GLRA2: variants seen among roughly 807,000 people sequenced by gnomAD.
The protein encoded by GLRA2 is glycine receptor subunit alpha-2.
In GLRA2, 11 loss-of-function variants were observed where a neutral mutation model predicts 31.6. The observed-to-expected ratio is 0.35, with a 90% CI of 0.22 to 0.58. The LOEUF (loss-of-function observed/expected upper bound fraction) is 0.58. Among genes scored for constraint, GLRA2 ranks in the 20% least tolerant of loss-of-function variants. The probability of loss-of-function intolerance (pLI) is 0.84; values close to 1 mark genes in which losing one functional copy is unlikely to be tolerated. For synonymous variants in GLRA2, 132 were observed against 134.0 expected, an observed-to-expected ratio of 0.99 and a Z score of 0.10; for missense variants, 212 against 351.8, an observed-to-expected ratio of 0.60 and a Z score of 3.18.
At chrX:14,579,910 AAAAG>A (rs2089997554) in intron 3 of GLRA2, among the ~76,000 whole-genome samples, 1 of 112,302 alleles carries the variant, frequency 8.9e-6, no homozygotes, top group Non-Finnish European at 1.9e-5. Context: ...AAATAGGTAA[AAAAG>A]AAAAACAAAA....
chrX:14,479,469 G>A, the GLRA2 span, among the ~76,000 whole-genome samples: 1 of 111,134 alleles, frequency 9.0e-6, no homozygotes, highest in Non-Finnish European at 1.9e-5. Flanking sequence ...GAGATTGGGG[G>A]TACAGATAAT....
chrX:14,476,050 G>T, the GLRA2 span, among the ~76,000 whole-genome samples: 5 of 111,150 alleles, frequency 4.5e-5, no homozygotes, highest in African/African-American at 1.6e-4. Flanking sequence ...TCTGAGACCC[G>T]CCCCTAGAGT....
the GLRA2 span, among the ~76,000 whole-genome samples, chrX:14,487,561 C>A: frequency 9.0e-6 from 1 of 111,196 alleles, no homozygotes. Context: ...TCATCAAGTG[C>A]CAGCATGAGC....
At chrX:14,531,573 T>C (rs915815328) in intron 1 of GLRA2, among the ~76,000 whole-genome samples, 6 of 111,213 alleles carry the variant, frequency 5.4e-5, no homozygotes, top group Non-Finnish European at 1.1e-4. Context: ...GTCAACAATT[T>C]AAATGCTTAT....
In GLRA2 at chrX:14,581,485, T is replaced by C. The variant is rs1202601681; in HGVS notation, c.494+79T>C. ...AGCTGCCTGATTCTGCAGGGTAGGA[T>C]GTATATGAATATTTGACTTTTGTGG... On this transcript the variant is annotated intron_variant, in intron 4 of 8. Transcript: ENST00000218075. 19 of 559,788 alleles carry C rather than the reference T, an allele frequency of 3.4e-5. No individual in the cohort carries two copies. The Admixed American group carries it at 5.4e-4, about 16-fold the overall frequency. The allele number at this position is 559,788 out of a possible 1,213,427, so 46.1% of individuals were successfully genotyped here. A position where few individuals can be genotyped will look rare whatever the true frequency, so the allele number is the denominator to read the frequency against.
intron 7 of GLRA2, among the ~76,000 whole-genome samples, chrX:14,656,910 T>A (rs2090946831): frequency 1.8e-5 from 2 of 111,703 alleles, no homozygotes; most frequent in Admixed American, 9.5e-5. Context: ...TGGGGAGACT[T>A]TATTTAACTA....
At chrX:14,541,626 C>T (rs994271122) in intron 2 of GLRA2, among the ~76,000 whole-genome samples, 2 of 111,226 alleles carry the variant, frequency 1.8e-5, no homozygotes, top group Non-Finnish European at 3.8e-5. Context: ...GCATTTTGCC[C>T]ATTTCCCACC....
At chrX:14,457,413 T>C in the GLRA2 span, among the ~76,000 whole-genome samples, 1 of 107,914 alleles carries the variant, frequency 9.3e-6, no homozygotes, top group African/African-American at 3.4e-5. Flanking sequence ...TGTGATCTCA[T>C]TGTTCAACTC....
At chrX:14,474,349 A>T in the GLRA2 span, among the ~76,000 whole-genome samples, 1 of 111,510 alleles carries the variant, frequency 9.0e-6, no homozygotes, top group Non-Finnish European at 1.9e-5. Context: ...TTACGCCTCC[A>T]GCTGCTTTGT....
chrX:14,717,586 A>G (rs1247560091), intron 8 of GLRA2, among the ~76,000 whole-genome samples: 1 of 110,989 alleles, frequency 9.0e-6, no homozygotes, highest in Non-Finnish European at 1.9e-5. Context: ...TCTTAAGTTT[A>G]TTTTGTCATA....
chrX:14,730,889 T>TAC lies in GLRA2; in HGVS notation c.*405_*406insCA, dbSNP rs1491540326. ...CTAATTCTGGTACTGAAAAGTTAGC[T>TAC]ATACACACACACACACACACACACA... On this transcript the variant is annotated 3_prime_UTR_variant, in exon 9 of 9. Coordinates refer to ENST00000218075, the MANE Select transcript of GLRA2 (RefSeq NM_002063.4). 3 of 129,234 alleles carry TAC rather than the reference T, an allele frequency of 2.3e-5. No individual in the cohort carries two copies. Among genetic ancestry groups the TAC allele is most frequent in the Admixed American group, 1.1e-4 (1 of 9,115 alleles). The allele number at this position is 129,234 out of a possible 1,213,427, so 10.7% of individuals were successfully genotyped here. A position where few individuals can be genotyped will look rare whatever the true frequency, so the allele number is the denominator to read the frequency against.
intron 2 of GLRA2, among the ~76,000 whole-genome samples, chrX:14,539,338 G>A (rs964323946): frequency 9.0e-6 from 1 of 111,145 alleles, no homozygotes; most frequent in African/African-American, 3.3e-5. Flanking sequence ...TGGAATTAAC[G>A]CCTAGGATGC....
intron 5 of GLRA2, 108 bp from the exon 6 acceptor site, chrX:14,607,023 G>A: frequency 1.9e-6 from 1 of 514,532 alleles, no homozygotes; most frequent in Non-Finnish European, 3.3e-6. Context: ...AATTGACTGA[G>A]CGTATGTCTG....
chrX:14,458,752 A>G, the GLRA2 span, among the ~76,000 whole-genome samples: 2 of 111,172 alleles, frequency 1.8e-5, no homozygotes, highest in African/African-American at 6.6e-5. Context: ...GTTTGAGTTC[A>G]TTGTAGATTC....
At chrX:14,656,480 TGTTCATG>T (rs1455218654) in intron 7 of GLRA2, among the ~76,000 whole-genome samples, 1 of 111,915 alleles carries the variant, frequency 8.9e-6, no homozygotes, top group Non-Finnish European at 1.9e-5. Flanking sequence ...TTCAATGACA[TGTTCATG>T]GTTGATGGGG....
intron 8 of GLRA2, among the ~76,000 whole-genome samples, chrX:14,715,775 C>T (rs1324919505): frequency 1.8e-5 from 2 of 111,365 alleles, no homozygotes; most frequent in Non-Finnish European, 3.8e-5. Context: ...TAAGGCAGGA[C>T]ATGGGGGTCC....
the GLRA2 span, among the ~76,000 whole-genome samples, chrX:14,506,632 G>A: frequency 0.021 from 2,355 of 111,366 alleles, 32 homozygotes; most frequent in East Asian, 0.084. Flanking sequence ...GACTTAAGGG[G>A]TGATCCATTC....
the GLRA2 span, among the ~76,000 whole-genome samples, chrX:14,463,748 G>A: frequency 3.8e-4 from 42 of 110,596 alleles, no homozygotes; most frequent in Non-Finnish European, 7.8e-4. Context: ...TTGGGCAGGA[G>A]TGTACCACTC....
chrX:14,606,834 T>G (rs1601759068), intron 5 of GLRA2, among the ~76,000 whole-genome samples: 2 of 112,375 alleles, frequency 1.8e-5, no homozygotes, highest in East Asian at 5.6e-4. Context: ...TTCACTTGTT[T>G]GTTCTTCAGA....
Sources: gnomAD v4.1 joint callset for allele counts (sites outside exome capture counted in the v4.1 genomes callset) on GRCh38, gnomAD v4.1.1 for gene constraint, MANE v1.5 for transcripts, NCBI Gene and HGNC (gene_info 2026-07-23, HGNC 2026-07-21) for gene names.